The following MAP7D2 variants were observed in gnomAD, a reference collection of about 807,000 sequenced individuals.
The protein encoded by MAP7D2 is MAP7 domain containing 2.
In MAP7D2, 33 loss-of-function variants were observed where a neutral mutation model predicts 63.5. The observed-to-expected ratio is 0.52, with a 90% CI of 0.39 to 0.70. The LOEUF (loss-of-function observed/expected upper bound fraction) is 0.70, where lower values mean the gene tolerates loss of function less well. Among genes scored for constraint, MAP7D2 ranks in the 30% least tolerant of loss-of-function variants. The probability of loss-of-function intolerance (pLI) is 0.00; values close to 1 mark genes in which losing one functional copy is unlikely to be tolerated. For synonymous variants in MAP7D2, 224 were observed against 223.7 expected (o/e 1.00, Z -0.01); for missense variants, 626 against 604.0 (o/e 1.04, Z -0.38).
At chrX:20,035,655 C>T (rs780413603) in intron 8 of MAP7D2, among the ~76,000 whole-genome samples, 1 of 110,948 alleles carries the variant, frequency 9.0e-6, no homozygotes, top group South Asian at 3.9e-4. Flanking sequence ...CTTTGGGAGG[C>T]TGAGGCAGGC....
intron 1 of MAP7D2, among the ~76,000 whole-genome samples, chrX:20,072,244 C>T (rs917442490): frequency 9.0e-5 from 10 of 111,501 alleles, no homozygotes; most frequent in Non-Finnish European, 1.9e-4. Flanking sequence ...CTCCCCATAG[C>T]CCCACCCCCA....
chrX:20,088,916 C>T (rs1480289670), intron 1 of MAP7D2, among the ~76,000 whole-genome samples: 1 of 109,985 alleles, frequency 9.1e-6, no homozygotes, highest in African/African-American at 3.3e-5. Flanking sequence ...TCACTGCAAC[C>T]TCCACCTCTC....
chrX:20,068,395 G>A (rs753350964), intron 1 of MAP7D2, among the ~76,000 whole-genome samples: 1 of 111,947 alleles, frequency 8.9e-6, no homozygotes, highest in South Asian at 3.7e-4. Flanking sequence ...AGTTCAGTCG[G>A]GATTGAGATT....
chrX:20,110,299 C>T (rs2066704044), intron 1 of MAP7D2, among the ~76,000 whole-genome samples: 1 of 109,271 alleles, frequency 9.2e-6, no homozygotes, highest in Non-Finnish European at 1.9e-5. Context: ...ACCAGCCTGG[C>T]CAACGTGGTG....
chrX:20,009,764 GGA>G (rs1374498389), intron 16 of MAP7D2, among the ~76,000 whole-genome samples: 1 of 109,968 alleles, frequency 9.1e-6, no homozygotes. Flanking sequence ...GGGAGGCCAA[GGA>G]GAGAGGATCA....
intron 6 of MAP7D2, among the ~76,000 whole-genome samples, chrX:20,047,162 C>T (rs1397032951): frequency 1.8e-5 from 2 of 112,199 alleles, no homozygotes; most frequent in African/African-American, 6.5e-5. Context: ...GACTGATGGC[C>T]TCAGGCAGCC....
intron 10 of MAP7D2, among the ~76,000 whole-genome samples, chrX:20,024,361 C>A: frequency 8.9e-6 from 1 of 111,779 alleles, no homozygotes; most frequent in Non-Finnish European, 1.9e-5. Flanking sequence ...GATTCTGATG[C>A]TCTTCAAGGT....
At chrX:20,073,806 G>A (rs1328088485) in intron 1 of MAP7D2, among the ~76,000 whole-genome samples, 2 of 102,437 alleles carry the variant, frequency 2.0e-5, no homozygotes, top group African/African-American at 3.5e-5. Flanking sequence ...GATTACAGGC[G>A]TGAGCCACTG....
chrX:20,057,335 G>A (rs1823966265), intron 3 of MAP7D2, among the ~76,000 whole-genome samples: 1 of 110,976 alleles, frequency 9.0e-6, no homozygotes, highest in Admixed American at 9.6e-5. Flanking sequence ...ATAGTAATCT[G>A]GGATAATATT....
In MAP7D2 at chrX:20,011,061, G is replaced by C; in HGVS notation, c.2073-9C>G. ...CTTCTTTTGAAACAGGACTAGAAGA[G>C]ATGAACGAGAGGGAGAGAGGCAGAA... On this transcript the variant is annotated splice_polypyrimidine_tract_variant and intron_variant, in intron 15 of 16. Transcript: ENST00000379643. The C allele has an allele frequency of 8.3e-7, 1 of 1,201,989 alleles. No homozygotes were observed. Among genetic ancestry groups the C allele is most frequent in the Non-Finnish European group, 1.1e-6 (1 of 888,553 alleles).
At chrX:20,060,479 A>T (rs1285289153) in intron 3 of MAP7D2, among the ~76,000 whole-genome samples, 1 of 108,254 alleles carries the variant, frequency 9.2e-6, no homozygotes, top group African/African-American at 3.4e-5. Context: ...AGAAAGAAAG[A>T]AAGAAAGAAA....
intron 4 of MAP7D2, among the ~76,000 whole-genome samples, chrX:20,055,179 G>C (rs1284825711): frequency 1.8e-5 from 2 of 110,500 alleles, no homozygotes; most frequent in African/African-American, 3.3e-5. Context: ...TAGACCAGAG[G>C]AGTTTCCCAG....
chrX:20,094,525 T>TAC (rs2066178849), intron 1 of MAP7D2, among the ~76,000 whole-genome samples: 1 of 14,485 alleles, frequency 6.9e-5, no homozygotes, highest in African/African-American at 4.9e-4. Flanking sequence ...TGTATATATA[T>TAC]ATATATATAT....
chrX:20,100,882 G>A (rs1215663362), intron 1 of MAP7D2, among the ~76,000 whole-genome samples: 1 of 110,770 alleles, frequency 9.0e-6, no homozygotes, highest in Non-Finnish European at 1.9e-5. Flanking sequence ...TTAGCTGGGT[G>A]TGGTGGTGAA....
rs1340550671 is a variant in MAP7D2, at chrX:20,090,155, T to C, written c.131-25350A>G. On this transcript the variant is annotated intron_variant, in intron 1 of 16. Coordinates refer to ENST00000379643, the MANE Select transcript of MAP7D2 (RefSeq NM_001168465.2). ...TTATTTTTAGTCTATTTCTGCCATA[T>C]AATAATGTGTCATAAACTTGTAGGA... Among the ~76,000 whole-genome samples the C allele has an allele frequency of 7.2e-5, 8 of 111,369 alleles. No homozygotes were observed. The East Asian group carries it at 1.1e-3, about 16-fold the overall frequency.
intron 1 of MAP7D2, among the ~76,000 whole-genome samples, chrX:20,094,518 A>ATATATATATATATATATG (rs2066174699): frequency 5.2e-4 from 3 of 5,799 alleles, no homozygotes; most frequent in Non-Finnish European, 7.4e-4. Flanking sequence ...ATATATATGT[A>ATATATATATATATATATG]TATATATATA....
intron 1 of MAP7D2, among the ~76,000 whole-genome samples, chrX:20,095,506 T>G (rs2066233197): frequency 1.8e-5 from 2 of 111,493 alleles, no homozygotes; most frequent in African/African-American, 6.5e-5. Context: ...ACCAGTTCAC[T>G]TCAGCCTGGG....
Position 20,063,111 on chromosome X carries a change from T to C in MAP7D2, c.372+303A>G, listed in dbSNP as rs748012235. Among the ~76,000 whole-genome samples, 55 of 111,304 alleles carry C rather than the reference T, an allele frequency of 4.9e-4. 1 individual carries two copies. Among genetic ancestry groups the C allele is most frequent in the African/African-American group, 1.7e-3 (51 of 30,635 alleles). ...GAAAAGGTTATGACTAAAAGAGGCATTGGAGACTGCCAAATCCAACCCTCA... is the reference window on the plus strand; with the variant it reads ...GAAAAGGTTATGACTAAAAGAGGCACTGGAGACTGCCAAATCCAACCCTCA... On this transcript the variant is annotated intron_variant, in intron 3 of 16. Coordinates refer to ENST00000379643, the MANE Select transcript of MAP7D2 (RefSeq NM_001168465.2).
intron 1 of MAP7D2, among the ~76,000 whole-genome samples, chrX:20,067,242 TCAAA>T (rs1313396069): frequency 9.0e-6 from 1 of 110,939 alleles, no homozygotes; most frequent in Non-Finnish European, 1.9e-5. Flanking sequence ...AAAGCGCTCT[TCAAA>T]CAGAGGGAAA....
Sources: gnomAD v4.1 joint callset for allele counts (sites outside exome capture counted in the v4.1 genomes callset) on GRCh38, gnomAD v4.1.1 for gene constraint, MANE v1.5 for transcripts, NCBI Gene and HGNC (gene_info 2026-07-23, HGNC 2026-07-21) for gene names.